The following OPHN1 variants were observed in gnomAD, a reference collection of about 807,000 sequenced individuals.
OPHN1 encodes oligophrenin 1, also known as oligophrenin-1.
A neutral mutation model predicts 60.7 loss-of-function variants in OPHN1; 11 were observed. That is an observed-to-expected ratio of 0.18 (90% CI 0.11 to 0.30). The LOEUF is 0.30. Ranked by LOEUF, OPHN1 falls within the 10% of genes least tolerant of loss-of-function variation. OPHN1 has a pLI of 1.00. For synonymous variants in OPHN1, 226 were observed against 222.6 expected (o/e 1.02, Z -0.14); for missense variants, 449 against 611.0 (o/e 0.73, Z 2.80).
intron 5 of OPHN1, among the ~76,000 whole-genome samples, chrX:68,249,746 G>A (rs1374457685): frequency 9.0e-6 from 1 of 111,374 alleles, no homozygotes; most frequent in Non-Finnish European, 1.9e-5. Context: ...CCCAGCATGC[G>A]GAACAGGCAG....
chrX:68,192,720 G>C, intron 15 of OPHN1, 199 bp downstream of exon 15: 1 of 425,317 alleles, frequency 2.4e-6, no homozygotes, highest in Non-Finnish European at 4.2e-6. Context: ...AATGGGATAC[G>C]AGGAAGGAGA....
intron 2 of OPHN1, among the ~76,000 whole-genome samples, chrX:68,307,288 A>AAT (rs1555969328): frequency 0.039 from 4,137 of 105,624 alleles, 205 homozygotes; most frequent in African/African-American, 0.13. Flanking sequence ...ACCAAAAAAA[A>AAT]AATAATAATA....
intron 2 of OPHN1, among the ~76,000 whole-genome samples, chrX:68,320,757 A>G (rs1193752529): frequency 9.0e-6 from 1 of 111,131 alleles, no homozygotes; most frequent in African/African-American, 3.3e-5. Context: ...CACTACCCCA[A>G]TTCAGACACC....
chrX:68,374,130 G>A (rs763849777), intron 2 of OPHN1, among the ~76,000 whole-genome samples: 2 of 110,402 alleles, frequency 1.8e-5, no homozygotes, highest in Non-Finnish European at 3.8e-5. Context: ...GGCCAAGGCG[G>A]GCGGATCACG....
chrX:68,312,701 C>CAATAAGGAA (rs957205726), intron 2 of OPHN1, among the ~76,000 whole-genome samples: 1 of 110,731 alleles, frequency 9.0e-6, no homozygotes, highest in Non-Finnish European at 1.9e-5. Context: ...AATAGAAAAA[C>CAATAAGGAA]AATAAGGAAA....
intron 16 of OPHN1, among the ~76,000 whole-genome samples, chrX:68,113,731 G>A (rs1487510118): frequency 2.0e-5 from 2 of 99,315 alleles, no homozygotes; most frequent in Non-Finnish European, 4.0e-5. Flanking sequence ...ACCAAACACC[G>A]CATGTTCTCA....
At chrX:68,350,031 A>C (rs1223771914) in intron 2 of OPHN1, among the ~76,000 whole-genome samples, 1 of 111,575 alleles carries the variant, frequency 9.0e-6, no homozygotes, top group Non-Finnish European at 1.9e-5. Context: ...CACGTTCTGC[A>C]CATGTAATCC....
chrX:68,114,585 A>T (rs776391008), intron 16 of OPHN1, among the ~76,000 whole-genome samples: 1 of 110,500 alleles, frequency 9.0e-6, no homozygotes. Context: ...ACTGAATGAG[A>T]CCCCTACCTC....
At chrX:68,261,826 T>A (rs1377293097) in intron 5 of OPHN1, among the ~76,000 whole-genome samples, 1 of 111,730 alleles carries the variant, frequency 9.0e-6, no homozygotes, top group African/African-American at 3.3e-5. Context: ...AATCCTGGAT[T>A]GTCCACTTCT....
At chrX:68,310,302 T>C (rs2078166817) in intron 2 of OPHN1, among the ~76,000 whole-genome samples, 1 of 111,603 alleles carries the variant, frequency 9.0e-6, no homozygotes, top group Admixed American at 9.6e-5. Flanking sequence ...GAGTCTCCCA[T>C]TGTGGTAAAA....
intron 18 of OPHN1, chrX:68,102,136 T>C (rs907233844): frequency 8.9e-6 from 1 of 111,855 alleles, no homozygotes; most frequent in Non-Finnish European, 1.9e-5. Flanking sequence ...AAAACACTCC[T>C]CAGCAAATGC....
chrX:68,276,078 T>C (rs1468094827), intron 4 of OPHN1, among the ~76,000 whole-genome samples: 1 of 111,950 alleles, frequency 8.9e-6, no homozygotes, highest in Non-Finnish European at 1.9e-5. Context: ...TCATTCTCTA[T>C]GTCTCCTGAT....
chrX:68,148,407 G>T (rs1771091843), intron 15 of OPHN1, among the ~76,000 whole-genome samples: 1 of 110,255 alleles, frequency 9.1e-6, no homozygotes, highest in African/African-American at 3.3e-5. Context: ...CCTCAGGGCT[G>T]CCAGTGGAGA....
chrX:68,075,779 CAAAAAAAA>C (rs35536405), intron 19 of OPHN1, among the ~76,000 whole-genome samples: 1 of 39,861 alleles, frequency 2.5e-5, no homozygotes, highest in Non-Finnish European at 4.6e-5. Flanking sequence ...TATACATAGG[CAAAAAAAA>C]AAAAAAAAAA....
intron 2 of OPHN1, among the ~76,000 whole-genome samples, chrX:68,344,108 T>G (rs754307951): frequency 8.9e-6 from 1 of 111,856 alleles, no homozygotes; most frequent in Non-Finnish European, 1.9e-5. Flanking sequence ...TCCAAAGGTG[T>G]TGTCAACCCT....
At chrX:68,111,202 G>A (rs1438647447) in intron 18 of OPHN1, among the ~76,000 whole-genome samples, 1 of 112,264 alleles carries the variant, frequency 8.9e-6, no homozygotes, top group East Asian at 2.8e-4. Context: ...TAGAGCCCAG[G>A]TCTGCTGGCT....
At chrX:68,075,779 CAAAAAAAAAA>C (rs35536405) in intron 19 of OPHN1, among the ~76,000 whole-genome samples, 1 of 39,862 alleles carries the variant, frequency 2.5e-5, no homozygotes. Flanking sequence ...TATACATAGG[CAAAAAAAAAA>C]AAAAAAAAAA....
At chrX:68,121,767 C>T (rs2077151500) in intron 15 of OPHN1, among the ~76,000 whole-genome samples, 1 of 106,679 alleles carries the variant, frequency 9.4e-6, no homozygotes, top group Non-Finnish European at 1.9e-5. Flanking sequence ...GATACCCCTT[C>T]CTTCTGCTTG....
At position 68,322,662 on chromosome X, in the gene OPHN1, G is replaced by A. The variant is rs750079431; in HGVS notation, c.155-23566C>T. 6.3e-5 allele frequency among the ~76,000 whole-genome samples: 7 copies of A among 110,972 alleles called. No individual in the cohort carries two copies. In the East Asian group the frequency reaches 1.4e-3, roughly 23 times the overall value. On this transcript the variant is annotated intron_variant, in intron 2 of 24. Transcript: ENST00000355520. ...ATTAGCCAGGAGTGGTGGTGTGTGC[G>A]TGTAATCCCAGCTACTTGGGAGACT...
Sources: gnomAD v4.1 joint callset for allele counts (sites outside exome capture counted in the v4.1 genomes callset) on GRCh38, gnomAD v4.1.1 for gene constraint, MANE v1.5 for transcripts, NCBI Gene and HGNC (gene_info 2026-07-23, HGNC 2026-07-21) for gene names.